The following SEMA3E variants were observed in gnomAD, a reference collection of about 807,000 sequenced individuals.
The protein encoded by SEMA3E is semaphorin 3E.
In SEMA3E, 49 loss-of-function variants were observed where a neutral mutation model predicts 93.6. The ratio of observed to expected loss-of-function variants is 0.52; its 90% CI spans 0.42 to 0.66. SEMA3E has a LOEUF of 0.66. Ranked by LOEUF, SEMA3E falls within the 30% of genes least tolerant of loss-of-function variation. The probability of loss-of-function intolerance (pLI) is 0.00; values close to 1 mark genes in which losing one functional copy is unlikely to be tolerated. For synonymous variants in SEMA3E, 363 were observed against 330.7 expected, an observed-to-expected ratio of 1.10 and a Z score of -1.06; for missense variants, 906 against 964.8, an observed-to-expected ratio of 0.94 and a Z score of 0.81.
chr7:83,578,907 T>C (rs1387843736), intron 1 of SEMA3E, among the ~76,000 whole-genome samples: 1 of 152,042 alleles, frequency 6.6e-6, no homozygotes, highest in Admixed American at 6.6e-5. Context: ...GCTTTGCAAG[T>C]CTTTGAATAA....
intron 1 of SEMA3E, among the ~76,000 whole-genome samples, chr7:83,551,977 A>G (rs572568833): frequency 6.6e-6 from 1 of 152,294 alleles, no homozygotes; most frequent in South Asian, 2.1e-4. Context: ...TATTAGACAT[A>G]TTTTTAATTG....
Position 83,454,270 on chromosome 7 carries a change from AAAAT to A in SEMA3E, c.456+12208_456+12211del, listed in dbSNP as rs1304863767. Among the ~76,000 whole-genome samples the A allele has an allele frequency of 3.2e-3, 319 of 99,010 alleles. 1 individual carries two copies. The highest frequency in any genetic ancestry group is 0.012 in the African/African-American group (271 of 22,796). The allele number at this position is 99,010 out of a possible 152,430, so 65.0% of individuals were successfully genotyped here. The stretch of plus-strand genomic sequence containing the variant: ...AAGACTCCGACTCAAAAAAAAAAAA[AAAAT>A]ATATATATATATATATATATATAAT... On this transcript the variant is annotated intron_variant, in intron 4 of 16. Transcript: ENST00000643230.
At chr7:83,533,055 C>T (rs1489417883) in intron 1 of SEMA3E, among the ~76,000 whole-genome samples, 1 of 146,846 alleles carries the variant, frequency 6.8e-6, no homozygotes, top group Non-Finnish European at 1.5e-5. Flanking sequence ...CCCCAAAACA[C>T]TGTGTCATCA....
intron 2 of SEMA3E, among the ~76,000 whole-genome samples, chr7:83,482,333 G>T (rs1469257164): frequency 6.6e-6 from 1 of 152,052 alleles, no homozygotes; most frequent in East Asian, 1.9e-4. Context: ...TTGGGAGGCC[G>T]AGGCGGGTGG....
intron 16 of SEMA3E, among the ~76,000 whole-genome samples, chr7:83,382,185 T>C (rs1787789383): frequency 6.6e-6 from 1 of 152,046 alleles, no homozygotes; most frequent in African/African-American, 2.4e-5. Context: ...AGAAATTACA[T>C]AGACACCTGG....
intron 1 of SEMA3E, among the ~76,000 whole-genome samples, chr7:83,561,080 G>A (rs1373545721): frequency 6.6e-6 from 1 of 151,944 alleles, no homozygotes; most frequent in Non-Finnish European, 1.5e-5. Flanking sequence ...ATAGTGCTAA[G>A]AAAGTACAAA....
At chr7:83,386,754 AGTTT>A (rs1176887165) in intron 15 of SEMA3E, among the ~76,000 whole-genome samples, 2 of 152,172 alleles carry the variant, frequency 1.3e-5, no homozygotes, top group Non-Finnish European at 2.9e-5. Context: ...TTTAATAATT[AGTTT>A]AATAATAAAG....
chr7:83,508,675 A>G (rs192351843), intron 1 of SEMA3E, among the ~76,000 whole-genome samples: 6 of 152,352 alleles, frequency 3.9e-5, no homozygotes, highest in Admixed American at 6.5e-5. Context: ...ATGACATAGC[A>G]TAGTACATCT....
intron 1 of SEMA3E, among the ~76,000 whole-genome samples, chr7:83,547,067 C>A (rs1018568694): frequency 5.3e-5 from 8 of 152,082 alleles, no homozygotes; most frequent in Admixed American, 2.0e-4. Context: ...AAAATGTCAA[C>A]CAATTGCCTA....
At chr7:83,560,287 T>C (rs1247193507) in intron 1 of SEMA3E, among the ~76,000 whole-genome samples, 1 of 152,038 alleles carries the variant, frequency 6.6e-6, no homozygotes, top group Non-Finnish European at 1.5e-5. Context: ...GTGAAGAATA[T>C]TGATAAGACG....
chr7:83,518,202 G>A (rs1790972033), intron 1 of SEMA3E, among the ~76,000 whole-genome samples: 2 of 152,106 alleles, frequency 1.3e-5, no homozygotes, highest in African/African-American at 2.4e-5. Flanking sequence ...ATGGGGAACA[G>A]GTCATAGAAT....
chr7:83,402,600 A>G (rs1374717282), intron 10 of SEMA3E, 32 bp downstream of exon 10: 3 of 1,590,114 alleles, frequency 1.9e-6, no homozygotes, highest in South Asian at 1.1e-5. Context: ...ATACTTAAAA[A>G]TAAGAATTAT....
At chr7:83,374,945 C>A (rs1049962517) in intron 16 of SEMA3E, among the ~76,000 whole-genome samples, 2 of 151,780 alleles carry the variant, frequency 1.3e-5, no homozygotes, top group Non-Finnish European at 2.9e-5. Context: ...AAACAAGAGC[C>A]AAAATCAAGC....
At chr7:83,449,597 A>G (rs1401073704) in intron 4 of SEMA3E, among the ~76,000 whole-genome samples, 1 of 152,138 alleles carries the variant, frequency 6.6e-6, no homozygotes, top group Non-Finnish European at 1.5e-5. Context: ...AAAAGCTTAT[A>G]TCATTAATCT....
At chr7:83,434,795 G>A (rs932847856) in intron 4 of SEMA3E, among the ~76,000 whole-genome samples, 1 of 144,160 alleles carries the variant, frequency 6.9e-6, no homozygotes, top group Non-Finnish European at 1.5e-5. Context: ...CTCACTGCAA[G>A]CTCCGCCTCC....
chr7:83,567,685 T>A lies in SEMA3E; in HGVS notation c.116-77411A>T, dbSNP rs549088075. Among the ~76,000 whole-genome samples the A allele has an allele frequency of 3.0e-4, 46 of 152,124 alleles. No homozygotes were observed. The South Asian group carries it at 6.2e-3, about 21-fold the overall frequency. The stretch of plus-strand genomic sequence containing the variant: ...TGAGTCAAAGAAAAAACTTAAAAAA[T>A]TTTTTTAAATATTATTGAAGCAAAT... On this transcript the variant is annotated intron_variant, in intron 1 of 16. Coordinates refer to ENST00000643230, the MANE Select transcript of SEMA3E (RefSeq NM_012431.3).
At chr7:83,506,032 AAT>A (rs869131366) in intron 1 of SEMA3E, among the ~76,000 whole-genome samples, 12,643 of 119,178 alleles carry the variant, frequency 0.11, 905 homozygotes, top group South Asian at 0.17. Flanking sequence ...AAAAAAAAAA[AAT>A]ATATATATAT....
chr7:83,368,813 A>G (rs973786245), intron 16 of SEMA3E, among the ~76,000 whole-genome samples: 5 of 152,226 alleles, frequency 3.3e-5, no homozygotes, highest in Non-Finnish European at 7.3e-5. Context: ...AAGGCTTTCA[A>G]CGAATAGCTC....
chr7:83,418,021 C>T (rs1371800995), intron 5 of SEMA3E, among the ~76,000 whole-genome samples: 1 of 152,076 alleles, frequency 6.6e-6, no homozygotes, highest in Non-Finnish European at 1.5e-5. Context: ...TCTAAAGTCA[C>T]AAAATAATTG....
Sources: allele counts gnomAD v4.1 joint callset (sites outside exome capture counted in the v4.1 genomes callset), GRCh38; gene constraint gnomAD v4.1.1; transcripts MANE v1.5; gene names NCBI Gene and HGNC (gene_info 2026-07-23, HGNC 2026-07-21).